Variants in ZNF485 observed in about 807,000 individuals in gnomAD.
The protein encoded by ZNF485 is Zinc finger protein 93 (Zinc finger protein HTF34).
In ZNF485, 9 loss-of-function variants were observed where a neutral mutation model predicts 10.8. The observed-to-expected ratio is 0.83, with a 90% CI of 0.50 to 1.45. The LOEUF (loss-of-function observed/expected upper bound fraction) is 1.45, where lower values mean the gene tolerates loss of function less well. Ranked by LOEUF, ZNF485 falls within the 40% of genes most tolerant of loss-of-function variation. The probability of loss-of-function intolerance (pLI) is 0.00; values close to 1 mark genes in which losing one functional copy is unlikely to be tolerated. For missense variants in ZNF485, 487 were observed against 528.0 expected (o/e 0.92, Z 0.76); for synonymous variants, 187 against 181.0 (o/e 1.03, Z -0.27).
chr10:43,616,210 A>T (rs1564483770), intron 4 of ZNF485, 81 bp from the exon 5 acceptor site: 1 of 1,151,874 alleles, frequency 8.7e-7, no homozygotes, highest in Admixed American at 2.3e-5. Context: ...GTAGAATAGA[A>T]CATTATTCAA....
intron 2 of ZNF485, 115 bp from the exon 3 acceptor site, chr10:43,608,498 GT>G: frequency 7.3e-7 from 1 of 1,363,716 alleles, no homozygotes; most frequent in Non-Finnish European, 9.9e-7. Context: ...TTACTTGTTG[GT>G]TTCCATGAGC....
At chr10:43,609,178 G>C (rs528665747) in intron 3 of ZNF485, 77 bp from the exon 4 acceptor site, 182 of 1,128,968 alleles carry the variant, frequency 1.6e-4, no homozygotes, top group Non-Finnish European at 2.3e-4. Context: ...GTGACTGCTT[G>C]TGCTTGTAAC....
rs774157079 is a variant in ZNF485 at position 43,616,984 on chromosome 10, T to C, written c.941T>C (p.Ile314Thr). 41 of 1,614,016 alleles carry C rather than the reference T, an allele frequency of 2.5e-5. No individual in the cohort carries two copies. The highest frequency in any genetic ancestry group is 3.0e-5 in the Non-Finnish European group (35 of 1,180,044). The change falls in exon 5 of 5, where the codon ATT becomes ACT. Residue 314 changes from isoleucine (I) to threonine (T), a missense_variant. Physicochemically the swap from Ile to Thr is moderately conservative, Grantham distance 89. Transcript: ENST00000361807. ...GKAFRKSSTLISHQRMHTGEK... is the reference protein window; with the variant it reads ...GKAFRKSSTLTSHQRMHTGEK... ...GCCTTTAGGAAGAGCTCAACTCTTATTAGTCACCAAAGAATGCATACTGGG... is the reference window on the plus strand; with the variant it reads ...GCCTTTAGGAAGAGCTCAACTCTTACTAGTCACCAAAGAATGCATACTGGG...
chr10:43,609,486 C>G (rs1322150899), intron 4 of ZNF485, 136 bp downstream of exon 4: 1 of 642,566 alleles, frequency 1.6e-6, no homozygotes, highest in Non-Finnish European at 2.6e-6. Flanking sequence ...ATCCTCCTGT[C>G]AAGTGGCTGG....
chr10:43,608,667 A>C lies in ZNF485; in HGVS notation c.78A>C (p.Arg26Ser), dbSNP rs922330673. The C allele has an allele frequency of 6.2e-7, 1 of 1,613,846 alleles. No individual in the cohort carries two copies. The highest frequency in any genetic ancestry group is 8.5e-7 in the Non-Finnish European group (1 of 1,179,968). The change falls in exon 3 of 5, where the codon AGA becomes AGC. Residue 26 changes from arginine (R) to serine (S), a missense_variant. By Grantham distance (110) the Arg-to-Ser change is moderately radical. Coordinates refer to ENST00000361807, the MANE Select transcript of ZNF485 (RefSeq NM_145312.4). ...VAVAFTRIEW[R>S]HLDAAQRALY... ...TGGCCTTTACCCGGATTGAGTGGAG[A>C]CACCTGGATGCTGCTCAGCGGGCCC... is the stretch of plus-strand genomic sequence containing the variant.
Position 43,607,012 on chromosome 10 carries a change from A to G in ZNF485, c.-39A>G. ...TCTTTCCCAGATTGACTTACGCAGG[A>G]TTCTCAGCCCTTGCCTGGGAGAACA... is the stretch of plus-strand genomic sequence containing the variant. On this transcript the variant is annotated 5_prime_UTR_variant, in exon 2 of 5. Coordinates refer to ENST00000361807, the MANE Select transcript of ZNF485 (RefSeq NM_145312.4). The G allele has an allele frequency of 6.4e-7, 1 of 1,551,636 alleles. No individual in the cohort carries two copies. The highest frequency in any genetic ancestry group is 8.7e-7 in the Non-Finnish European group (1 of 1,146,878).
Position 43,617,139 on chromosome 10 carries a change from AG to A in ZNF485, c.1097del (p.Ser366ThrfsTer73). The stretch of plus-strand genomic sequence containing the variant: ...TGACTGTGGGAAGGCCTTTACAAAG[AG>A]CTCAACCCTTACTGGACATCAGAGA... Reference protein sequence around the residue: ...CRDCGKAFTKSSTLTGHQRIH... With the variant: ...CRDCGKAFTKXSTLTGHQRIH... On this transcript the variant is annotated frameshift_variant, in exon 5 of 5. Coordinates refer to ENST00000361807, the MANE Select transcript of ZNF485 (RefSeq NM_145312.4). LOFTEE classifies it low-confidence loss of function (END_TRUNC). 6.2e-7 allele frequency: 1 copy of A among 1,614,220 alleles called. No homozygotes were observed. Among genetic ancestry groups the A allele is most frequent in the Non-Finnish European group, 8.5e-7 (1 of 1,180,034 alleles).
chr10:43,607,411 G>GGTGGAGTA, intron 2 of ZNF485: 1 of 372,542 alleles, frequency 2.7e-6, no homozygotes, highest in Non-Finnish European at 4.9e-6. Flanking sequence ...GGGTGGGAGG[G>GGTGGAGTA]GTGGAGTAGT....
At chr10:43,614,154 G>T (rs1838813105) in intron 4 of ZNF485, among the ~76,000 whole-genome samples, 1 of 151,914 alleles carries the variant, frequency 6.6e-6, no homozygotes, top group Non-Finnish European at 1.5e-5. Flanking sequence ...GGTGGAGGTT[G>T]CAGTGAGCTG....
rs1838863576 is a variant in ZNF485, at chr10:43,616,615, G to A, written c.572G>A (p.Cys191Tyr). Residue 191 changes from cysteine to tyrosine, a missense_variant, in exon 5 of 5, where the codon TGT becomes TAT. Physicochemically the swap from Cys to Tyr is radical, Grantham distance 194. Coordinates refer to ENST00000361807, the MANE Select transcript of ZNF485 (RefSeq NM_145312.4). ...AGKQPYRCIE[C>Y]GKFLKKHSTF... ...AAACAGCCTTATAGATGTATTGAAT[G>A]TGGGAAGTTCCTGAAGAAGCACTCA... 1 of 1,614,226 alleles carries A rather than the reference G, an allele frequency of 6.2e-7. No homozygotes were observed. Among genetic ancestry groups the A allele is most frequent in the Non-Finnish European group, 8.5e-7 (1 of 1,180,040 alleles).
Position 43,616,667 on chromosome 10 carries a change from T to C in ZNF485, c.624T>C (p.His208=), listed in dbSNP as rs1838864985. ...CGTTTATCAACCATCAGAGAATTCA[T>C]TCTAGGGAGAAACCCCACAAATGCA... The part of the protein sequence containing the change: ...HSTFINHQRI[H]SREKPHKCIE... Residue 208 remains histidine (H), a synonymous_variant, in exon 5 of 5, where the codon CAT becomes CAC. Coordinates refer to ENST00000361807, the MANE Select transcript of ZNF485 (RefSeq NM_145312.4). 1 of 1,614,090 alleles carries C rather than the reference T, an allele frequency of 6.2e-7. No individual in the cohort carries two copies. Among genetic ancestry groups the C allele is most frequent in the African/African-American group, 1.3e-5 (1 of 74,948 alleles).
In ZNF485 at chr10:43,606,525, G is replaced by C. The variant is rs1397255907; in HGVS notation, c.-76G>C. 2 of 323,560 alleles carry C rather than the reference G, an allele frequency of 6.2e-6. No homozygotes were observed. The highest frequency in any genetic ancestry group is 1.2e-5 in the Non-Finnish European group (2 of 172,570). The allele number at this position is 323,560 out of a possible 1,614,324, so 20.0% of individuals were successfully genotyped here. On this transcript the variant is annotated 5_prime_UTR_variant, in exon 1 of 5. Coordinates refer to ENST00000361807, the MANE Select transcript of ZNF485 (RefSeq NM_145312.4). ...GCTGACTCTCTGGGCGTGCAGCTCC[G>C]CAGCCCTGCCGGCTCGGTTCGGTTC...
chr10:43,615,344 G>A (rs1040832894), intron 4 of ZNF485, among the ~76,000 whole-genome samples: 4 of 152,070 alleles, frequency 2.6e-5, no homozygotes, highest in Non-Finnish European at 5.9e-5. Flanking sequence ...CTTAGGTCTT[G>A]TGTCTGTACT....
chr10:43,614,214 A>C (rs1412417529), intron 4 of ZNF485, among the ~76,000 whole-genome samples: 1 of 132,830 alleles, frequency 7.5e-6, no homozygotes, highest in Non-Finnish European at 1.6e-5. Flanking sequence ...ACTCCGTATC[A>C]AAAAAAAAAA....
intron 4 of ZNF485, among the ~76,000 whole-genome samples, chr10:43,613,058 T>C (rs572072008): frequency 2.0e-5 from 3 of 152,352 alleles, no homozygotes; most frequent in South Asian, 2.1e-4. Context: ...ATTTCTGTGA[T>C]TGAAGTACTA....
chr10:43,606,880 TG>T, intron 1 of ZNF485, 116 bp from the exon 2 acceptor site: 1 of 721,514 alleles, frequency 1.4e-6, no homozygotes, highest in Non-Finnish European at 2.4e-6. Context: ...CGTACCCACC[TG>T]GACCTGTCTG....
At chr10:43,614,786 A>G (rs1838824982) in intron 4 of ZNF485, among the ~76,000 whole-genome samples, 1 of 151,714 alleles carries the variant, frequency 6.6e-6, no homozygotes, top group South Asian at 2.1e-4. Flanking sequence ...AAGCTTTATT[A>G]TTTGGTTTTT....
intron 2 of ZNF485, 53 bp downstream of exon 2, chr10:43,607,127 G>A (rs2132344859): frequency 1.3e-6 from 2 of 1,547,620 alleles, no homozygotes; most frequent in East Asian, 4.9e-5. Flanking sequence ...GCGAGGTGGG[G>A]TTTATGCCTC....
Position 43,617,029 on chromosome 10 carries a change from G to A in ZNF485, c.986G>A (p.Ser329Asn). Residue 329 changes from serine (S) to asparagine (N), a missense_variant, in exon 5 of 5, where the codon AGT becomes AAT. Ser to Asn is a conservative substitution (Grantham distance 46). Coordinates refer to ENST00000361807, the MANE Select transcript of ZNF485 (RefSeq NM_145312.4). ...ACTGGGGAGAAACCCTATCACTGCAGTAAATGTGGAAAATCTTTCAGGTAT... is the reference window on the plus strand; with the variant it reads ...ACTGGGGAGAAACCCTATCACTGCAATAAATGTGGAAAATCTTTCAGGTAT... ...MHTGEKPYHC[S>N]KCGKSFRYSS... 1 of 1,614,156 alleles carries A rather than the reference G, an allele frequency of 6.2e-7. No homozygotes were observed. The highest frequency in any genetic ancestry group is 8.5e-7 in the Non-Finnish European group (1 of 1,180,030).
Sources: gnomAD v4.1 joint callset for allele counts (sites outside exome capture counted in the v4.1 genomes callset) on GRCh38, gnomAD v4.1.1 for gene constraint, MANE v1.5 for transcripts, NCBI Gene and HGNC (gene_info 2026-07-23, HGNC 2026-07-21) for gene names.